Variants in TSHZ2 observed in about 807,000 individuals in gnomAD.
TSHZ2 encodes the protein teashirt homolog 2.
In TSHZ2, 21 loss-of-function variants were observed where a neutral mutation model predicts 74.4. The ratio of observed to expected loss-of-function variants is 0.28; its 90% CI spans 0.20 to 0.41. The LOEUF (loss-of-function observed/expected upper bound fraction) is 0.41, where lower values mean the gene tolerates loss of function less well. TSHZ2 is among the 10% of genes least tolerant of loss of function. The pLI is 1.00. For missense variants in TSHZ2, 1,244 were observed against 1,293.5 expected (o/e 0.96, Z 0.59); for synonymous variants, 540 against 515.3 (o/e 1.05, Z -0.65).
At chr20:53,268,710 G>C (rs977584901) in intron 2 of TSHZ2, among the ~76,000 whole-genome samples, 13 of 152,206 alleles carry the variant, frequency 8.5e-5, no homozygotes, top group Non-Finnish European at 1.5e-5. Context: ...TTGCTCACCT[G>C]TTGACTGGAA....
chr20:53,447,052 T>C (rs1342605314), intron 2 of TSHZ2, among the ~76,000 whole-genome samples: 1 of 152,210 alleles, frequency 6.6e-6, no homozygotes, highest in East Asian at 1.9e-4. Flanking sequence ...CTTTCCCTTT[T>C]TCACTCCATC....
At chr20:53,188,265 C>A (rs1988648106) in intron 1 of TSHZ2, among the ~76,000 whole-genome samples, 3 of 152,158 alleles carry the variant, frequency 2.0e-5, no homozygotes, top group Non-Finnish European at 4.4e-5. Context: ...GTACAACATG[C>A]CTGTTCCCCC....
intron 1 of TSHZ2, among the ~76,000 whole-genome samples, chr20:53,095,181 T>C (rs1313707049): frequency 1.3e-5 from 2 of 152,214 alleles, no homozygotes; most frequent in Admixed American, 6.5e-5. Context: ...TTTCTCTCTA[T>C]ATATTTCTCT....
intron 1 of TSHZ2, among the ~76,000 whole-genome samples, chr20:52,988,976 T>A (rs1981874734): frequency 1.3e-5 from 2 of 152,146 alleles, no homozygotes; most frequent in Admixed American, 1.3e-4. Flanking sequence ...AAATCTGCCC[T>A]CACAGGTTTA....
Position 53,122,304 on chromosome 20 carries a change from G to A in TSHZ2, c.41-131195G>A, listed in dbSNP as rs201366591. Among the ~76,000 whole-genome samples, 488 of 75,332 alleles carry A rather than the reference G, an allele frequency of 6.5e-3. 19 individuals are homozygous for A. The highest frequency in any genetic ancestry group is 0.019 in the Middle Eastern group (3 of 158). The allele number at this position is 75,332 out of a possible 152,430, so 49.4% of individuals were successfully genotyped here. ...CCCCATCTACAAAAAAAAAAAAAAA[G>A]AAAGAAAACAACAGCAACAATGATT... On this transcript the variant is annotated intron_variant, in intron 1 of 2. Transcript: ENST00000371497.
At chr20:52,996,873 CTG>C (rs1269788193) in intron 1 of TSHZ2, among the ~76,000 whole-genome samples, 1 of 152,174 alleles carries the variant, frequency 6.6e-6, no homozygotes, top group Non-Finnish European at 1.5e-5. Context: ...ATGTAATACT[CTG>C]TGGAAAACAT....
rs772452204 is a variant in TSHZ2 at position 53,256,525 on chromosome 20, C to T, written c.3067C>T (p.His1023Tyr). The T allele has an allele frequency of 2.5e-6, 4 of 1,607,250 alleles. No individual in the cohort carries two copies. The highest frequency in any genetic ancestry group is 3.4e-6 in the Non-Finnish European group (4 of 1,175,530). Residue 1023 changes from histidine (H) to tyrosine (Y), a missense_variant, in exon 2 of 3, where the codon CAC becomes TAC. His to Tyr is a moderately conservative substitution (Grantham distance 83). Around this residue, in one of 6 missense-constraint regions of TSHZ2, gnomAD observed 185 missense variants for 213.3 expected, o/e 0.87. Coordinates refer to ENST00000371497, the MANE Select transcript of TSHZ2 (RefSeq NM_173485.6). This position sits in a 1 kb window ranked among gnomAD's most constrained non-coding sequence, Gnocchi z 4.3. ...CAAAACGCACAGCAAGTCACCCGAA[C>T]ACCATTCACAGTTTGTAACAGACGT... Reference protein sequence around the residue: ...LSKTHSKSPEHHSQFVTDVDE... With the variant: ...LSKTHSKSPEYHSQFVTDVDE...
rs141708478 is a variant in TSHZ2 at position 53,175,051 on chromosome 20, G to A, written c.41-78448G>A. On this transcript the variant is annotated intron_variant, in intron 1 of 2. Transcript: ENST00000371497. ...GCTGGCTTTTAGAATGAGACGTAAC[G>A]GGGGCAGCAAGAGGATGATTCCTGA... 4.6e-3 allele frequency among the ~76,000 whole-genome samples: 699 copies of A among 151,756 alleles called. 5 individuals carry two copies. Among genetic ancestry groups the A allele is most frequent in the Non-Finnish European group, 8.5e-3 (579 of 67,956 alleles).
At chr20:53,075,288 C>A (rs367971777) in intron 1 of TSHZ2, among the ~76,000 whole-genome samples, 4 of 152,208 alleles carry the variant, frequency 2.6e-5, no homozygotes, top group African/African-American at 9.7e-5. Flanking sequence ...ATGGACTGCT[C>A]TGTGCAAAGG....
At chr20:53,308,868 G>A (rs779860814) in intron 2 of TSHZ2, among the ~76,000 whole-genome samples, 1 of 152,238 alleles carries the variant, frequency 6.6e-6, no homozygotes, top group African/African-American at 2.4e-5. Context: ...ACGGTGTTAA[G>A]CACCTGGGAG....
Position 53,342,202 on chromosome 20 carries a change from C to T in TSHZ2, c.*8+85631C>T, listed in dbSNP as rs1407417521. 4.6e-5 allele frequency among the ~76,000 whole-genome samples: 7 copies of T among 151,860 alleles called. No individual in the cohort carries two copies. In the East Asian group the frequency reaches 9.7e-4, roughly 21 times the overall value. On this transcript the variant is annotated intron_variant, in intron 2 of 2. Transcript: ENST00000371497. ...TTCAGATTTCCTTAGTGTTTCCCTG[C>T]GTCATTTTCCTGCTCCAGGCTCACA...
chr20:53,377,577 G>A (rs1295368960), intron 2 of TSHZ2, among the ~76,000 whole-genome samples: 1 of 152,128 alleles, frequency 6.6e-6, no homozygotes, highest in African/African-American at 2.4e-5. Flanking sequence ...ACAGGCCACT[G>A]GGCCGGGTAT....
intron 1 of TSHZ2, among the ~76,000 whole-genome samples, chr20:52,977,645 A>G (rs1420367938): frequency 1.3e-5 from 2 of 152,056 alleles, no homozygotes; most frequent in East Asian, 3.9e-4. Flanking sequence ...CCCCGTCTTG[A>G]TTTCCTTCTT....
At chr20:53,079,895 A>G (rs1041068570) in intron 1 of TSHZ2, among the ~76,000 whole-genome samples, 1 of 151,814 alleles carries the variant, frequency 6.6e-6, no homozygotes, top group Non-Finnish European at 1.5e-5. Context: ...CCTAATACAC[A>G]TAGCTTATGA....
chr20:53,444,455 C>T (rs1984473208), intron 2 of TSHZ2, among the ~76,000 whole-genome samples: 1 of 152,098 alleles, frequency 6.6e-6, no homozygotes, highest in South Asian at 2.1e-4. Context: ...AGAGTGAGTC[C>T]TCCAGTGCCG....
At chr20:53,152,093 T>C (rs1045647991) in intron 1 of TSHZ2, among the ~76,000 whole-genome samples, 1 of 152,236 alleles carries the variant, frequency 6.6e-6, no homozygotes, top group African/African-American at 2.4e-5. Flanking sequence ...TACCATGTAC[T>C]AAAATCCTAA....
chr20:53,469,640 GGAAGGAAGGAAGGAAGGA>G (rs1568931970), intron 2 of TSHZ2, among the ~76,000 whole-genome samples: 9 of 62,218 alleles, frequency 1.4e-4, no homozygotes, highest in African/African-American at 5.3e-4. Flanking sequence ...GAGGGAGGAA[GGAAGGAAGGAAGGAAGGA>G]AGGAAGGAAG....
intron 1 of TSHZ2, among the ~76,000 whole-genome samples, chr20:53,114,643 C>T (rs1466895112): frequency 6.6e-6 from 1 of 150,812 alleles, no homozygotes; most frequent in Non-Finnish European, 1.5e-5. Flanking sequence ...GCTGTGACCT[C>T]TTTCCGCCAC....
At chr20:53,026,801 T>C (rs1020521248) in intron 1 of TSHZ2, among the ~76,000 whole-genome samples, 3 of 152,236 alleles carry the variant, frequency 2.0e-5, no homozygotes, top group African/African-American at 7.2e-5. Context: ...CAACATCTTT[T>C]CATATTTTTA....
Sources: gnomAD v4.1 joint callset for allele counts (sites outside exome capture counted in the v4.1 genomes callset) on GRCh38, gnomAD v4.1.1 for gene constraint, gnomAD v4.1.1 regional missense constraint, Gnocchi (gnomAD v3.1) non-coding constraint, MANE v1.5 for transcripts, NCBI Gene and HGNC (gene_info 2026-07-23, HGNC 2026-07-21) for gene names.